GABRB1: variants seen among roughly 807,000 people sequenced by gnomAD.
The protein encoded by GABRB1 is gamma-aminobutyric acid type A receptor subunit beta1.
A neutral mutation model predicts 51.6 loss-of-function variants in GABRB1; 17 were observed. The observed-to-expected ratio is 0.33, with a 90% confidence interval of 0.23 to 0.49. GABRB1 has a LOEUF of 0.49. GABRB1 is among the 20% of genes least tolerant of loss of function. The pLI, the probability that GABRB1 is intolerant of heterozygous loss-of-function variation, is 0.99. For missense variants in GABRB1, 410 were observed against 600.6 expected, an observed-to-expected ratio of 0.68 and a Z score of 3.32; for synonymous variants, 247 against 218.9, an observed-to-expected ratio of 1.13 and a Z score of -1.14.
intron 3 of GABRB1, among the ~76,000 whole-genome samples, chr4:47,055,781 C>T (rs529517710): frequency 7.9e-5 from 12 of 152,240 alleles, no homozygotes; most frequent in African/African-American, 2.2e-4. Context: ...GGGCACCTTG[C>T]GTGTTCATGG....
chr4:47,095,355 C>T (rs367997785), intron 3 of GABRB1, among the ~76,000 whole-genome samples: 7 of 151,990 alleles, frequency 4.6e-5, no homozygotes, highest in African/African-American at 7.2e-5. Context: ...TGCAGCAATA[C>T]GTGAATGATA....
chr4:47,303,892 A>C (rs1724354700), intron 4 of GABRB1, among the ~76,000 whole-genome samples: 1 of 152,058 alleles, frequency 6.6e-6, no homozygotes, highest in African/African-American at 2.4e-5. Context: ...TAGATTCCAC[A>C]TATGAGTGAA....
intron 1 of GABRB1, among the ~76,000 whole-genome samples, chr4:47,017,201 T>G (rs1421220242): frequency 6.6e-6 from 1 of 152,206 alleles, no homozygotes; most frequent in Non-Finnish European, 1.5e-5. Context: ...ATGAAAGTGT[T>G]GAGTCACATT....
chr4:47,162,831 T>C (rs1389666019), intron 4 of GABRB1, among the ~76,000 whole-genome samples: 1 of 152,086 alleles, frequency 6.6e-6, no homozygotes, highest in African/African-American at 2.4e-5. Context: ...TTGTAGCTTG[T>C]TGTCTAGCGA....
chr4:46,995,439 G>T (rs1723961311), intron 1 of GABRB1, among the ~76,000 whole-genome samples: 1 of 152,138 alleles, frequency 6.6e-6, no homozygotes, highest in South Asian at 2.1e-4. Flanking sequence ...AGTGACTGCA[G>T]CCTCTACCTT....
At chr4:47,295,424 G>T (rs918704291) in intron 4 of GABRB1, among the ~76,000 whole-genome samples, 8 of 152,182 alleles carry the variant, frequency 5.3e-5, no homozygotes, top group Non-Finnish European at 1.2e-4. Flanking sequence ...GGAGCTGATG[G>T]AGCTGAAAGC....
At chr4:47,044,081 C>T (rs905756175) in intron 3 of GABRB1, among the ~76,000 whole-genome samples, 2 of 152,038 alleles carry the variant, frequency 1.3e-5, no homozygotes, top group East Asian at 3.9e-4. Context: ...GCTGAGACAG[C>T]GTTTGTGTTG....
intron 5 of GABRB1, among the ~76,000 whole-genome samples, chr4:47,321,616 A>G (rs1273851761): frequency 1.3e-5 from 2 of 152,224 alleles, no homozygotes; most frequent in African/African-American, 4.8e-5. Flanking sequence ...AAACCCAATC[A>G]TATACTAGTA....
intron 5 of GABRB1, among the ~76,000 whole-genome samples, chr4:47,335,260 G>C (rs1472562278): frequency 6.6e-6 from 1 of 150,534 alleles, no homozygotes; most frequent in Non-Finnish European, 1.5e-5. Context: ...TCAGTATCCA[G>C]TTATATATAT....
intron 4 of GABRB1, among the ~76,000 whole-genome samples, chr4:47,241,678 C>G (rs1721526775): frequency 6.6e-6 from 1 of 152,136 alleles, no homozygotes; most frequent in Non-Finnish European, 1.5e-5. Context: ...ATTCCTGAAC[C>G]TTACCTCCAA....
At chr4:47,375,371 TAGAGAC>T (rs1442150457) in intron 5 of GABRB1, among the ~76,000 whole-genome samples, 2 of 152,168 alleles carry the variant, frequency 1.3e-5, no homozygotes, top group African/African-American at 4.8e-5. Flanking sequence ...AATGAAGTAA[TAGAGAC>T]AGAAAACAGG....
intron 4 of GABRB1, among the ~76,000 whole-genome samples, chr4:47,217,802 C>G (rs1720613855): frequency 6.6e-6 from 1 of 151,570 alleles, no homozygotes; most frequent in South Asian, 2.1e-4. Context: ...TTAAGGATAT[C>G]CAACACTTCA....
intron 1 of GABRB1, among the ~76,000 whole-genome samples, chr4:47,023,698 G>A (rs533009140): frequency 5.1e-4 from 77 of 151,926 alleles, no homozygotes; most frequent in African/African-American, 1.8e-3. Flanking sequence ...TATAAATGTG[G>A]GATTTCACAT....
intron 3 of GABRB1, among the ~76,000 whole-genome samples, chr4:47,077,901 A>AT (rs1194997482): frequency 7.3e-6 from 1 of 136,548 alleles, no homozygotes; most frequent in Non-Finnish European, 1.5e-5. Context: ...TATTATATGT[A>AT]TTTTATATAT....
intron 4 of GABRB1, among the ~76,000 whole-genome samples, chr4:47,163,396 G>A (rs531362130): frequency 6.6e-6 from 1 of 152,042 alleles, no homozygotes; most frequent in South Asian, 2.1e-4. Flanking sequence ...AGATAAAGTT[G>A]CTCAATTAAA....
At chr4:47,120,332 C>A (rs1201230683) in intron 3 of GABRB1, among the ~76,000 whole-genome samples, 1 of 152,064 alleles carries the variant, frequency 6.6e-6, no homozygotes, top group Non-Finnish European at 1.5e-5. Context: ...GATAGATTTT[C>A]CAGACAGAAA....
chr4:47,004,399 T>A (rs1724324870), intron 1 of GABRB1, among the ~76,000 whole-genome samples: 1 of 152,252 alleles, frequency 6.6e-6, no homozygotes, highest in Non-Finnish European at 1.5e-5. Flanking sequence ...ATTATAGGCA[T>A]GATGAGCAAT....
At chr4:47,006,963 T>C (rs900685853) in intron 1 of GABRB1, among the ~76,000 whole-genome samples, 1 of 152,078 alleles carries the variant, frequency 6.6e-6, no homozygotes, top group African/African-American at 2.4e-5. Context: ...GAGACCAGCC[T>C]GGGCAACATG....
At chr4:47,111,480 CT>C (rs534601340) in intron 3 of GABRB1, among the ~76,000 whole-genome samples, 199 of 152,054 alleles carry the variant, frequency 1.3e-3, no homozygotes, top group Middle Eastern at 6.8e-3. Flanking sequence ...CCTAATGGCA[CT>C]TTAAGGGACA....
Sources: allele counts gnomAD v4.1 joint callset (sites outside exome capture counted in the v4.1 genomes callset), GRCh38; gene constraint gnomAD v4.1.1; transcripts MANE v1.5; gene names NCBI Gene and HGNC (gene_info 2026-07-23, HGNC 2026-07-21).